The following EBF1 variants were observed in gnomAD, a reference collection of about 807,000 sequenced individuals.
EBF1 encodes the protein transcription factor COE1.
A neutral mutation model predicts 68.4 loss-of-function variants in EBF1; 10 were observed. The ratio of observed to expected loss-of-function variants is 0.15; its 90% CI spans 0.09 to 0.25. The LOEUF (loss-of-function observed/expected upper bound fraction) is 0.25, where lower values mean the gene tolerates loss of function less well. Among genes scored for constraint, EBF1 ranks in the 10% least tolerant of loss-of-function variants. The pLI is 1.00. For synonymous variants in EBF1, 298 were observed against 299.8 expected, an observed-to-expected ratio of 0.99 and a Z score of 0.06; for missense variants, 509 against 794.4, an observed-to-expected ratio of 0.64 and a Z score of 4.32.
chr5:159,032,310 A>G (rs748208079), intron 6 of EBF1, among the ~76,000 whole-genome samples: 16 of 152,222 alleles, frequency 1.1e-4, no homozygotes, highest in Non-Finnish European at 2.1e-4. Context: ...TAATTTTTCC[A>G]GGTACAAGTG....
At chr5:159,059,019 C>T (rs1326370819) in intron 6 of EBF1, among the ~76,000 whole-genome samples, 1 of 152,208 alleles carries the variant, frequency 6.6e-6, no homozygotes, top group Non-Finnish European at 1.5e-5. Flanking sequence ...CATGTAGCCA[C>T]CATTTCAATC....
At chr5:158,794,574 C>T (rs559735801) in intron 9 of EBF1, among the ~76,000 whole-genome samples, 37 of 152,270 alleles carry the variant, frequency 2.4e-4, no homozygotes, top group Admixed American at 5.2e-4. Flanking sequence ...CAGACTAACC[C>T]ACCTCCTTCT....
chr5:158,784,271 C>T lies in EBF1; in HGVS notation c.910-6732G>A, dbSNP rs73816059. Among the ~76,000 whole-genome samples, 1,016 of 152,268 alleles carry T rather than the reference C, an allele frequency of 6.7e-3. 10 individuals are homozygous for T. Among genetic ancestry groups the T allele is most frequent in the African/African-American group, 0.022 (930 of 41,562 alleles). ...AAGAAACCAACTGGAAGTGGCCAGT[C>T]GGCCTGACTAATGACCATCATTATA... On this transcript the variant is annotated intron_variant, in intron 9 of 15. Coordinates refer to ENST00000313708, the MANE Select transcript of EBF1 (RefSeq NM_024007.5).
chr5:158,710,095 C>T (rs140314758), intron 14 of EBF1, among the ~76,000 whole-genome samples: 17 of 152,246 alleles, frequency 1.1e-4, no homozygotes, highest in Non-Finnish European at 2.2e-4. Context: ...AACATGAGTG[C>T]TTTATGAATA....
chr5:159,071,203 G>A (rs1174479199), intron 6 of EBF1, among the ~76,000 whole-genome samples: 1 of 152,144 alleles, frequency 6.6e-6, no homozygotes, highest in Non-Finnish European at 1.5e-5. Context: ...TGGCATCACT[G>A]CATGAAAAGA....
chr5:159,070,142 C>T (rs1272886803), intron 6 of EBF1, among the ~76,000 whole-genome samples: 1 of 152,146 alleles, frequency 6.6e-6, no homozygotes, highest in Non-Finnish European at 1.5e-5. Flanking sequence ...ACACATTTGA[C>T]TTTTCCCATG....
chr5:158,775,974 A>G (rs1056707834), intron 10 of EBF1, among the ~76,000 whole-genome samples: 1 of 152,194 alleles, frequency 6.6e-6, no homozygotes, highest in Non-Finnish European at 1.5e-5. Context: ...ACTTCTATAA[A>G]GCATCATAGC....
At position 158,974,267 on chromosome 5, in the gene EBF1, G is replaced by A. The variant is rs368801047; in HGVS notation, c.554+99129C>T. 3.3e-5 allele frequency among the ~76,000 whole-genome samples: 5 copies of A among 152,254 alleles called. No individual in the cohort carries two copies. In the East Asian group the frequency reaches 9.6e-4, roughly 29 times the overall value. On this transcript the variant is annotated intron_variant, in intron 6 of 15. Transcript: ENST00000313708. ...AGCCTTCTCTTTTTAAAAACTTCAG[G>A]CTTGAGGCAGAAAGTCTGGAAAATT...
intron 6 of EBF1, among the ~76,000 whole-genome samples, chr5:158,930,472 TC>T (rs1225457933): frequency 6.6e-6 from 1 of 152,118 alleles, no homozygotes; most frequent in Non-Finnish European, 1.5e-5. Flanking sequence ...CTGCCCACCT[TC>T]CCATGCCCTG....
chr5:158,962,206 C>T (rs1218412281), intron 6 of EBF1, among the ~76,000 whole-genome samples: 1 of 152,068 alleles, frequency 6.6e-6, no homozygotes. Flanking sequence ...TAAATGTAGC[C>T]CCCTTCTCAG....
At chr5:159,014,899 G>T (rs560441430) in intron 6 of EBF1, among the ~76,000 whole-genome samples, 2 of 152,312 alleles carry the variant, frequency 1.3e-5, no homozygotes, top group African/African-American at 4.8e-5. Context: ...CTCTAGGGAT[G>T]GCAGAAGAAT....
intron 8 of EBF1, among the ~76,000 whole-genome samples, chr5:158,807,563 C>T (rs1402019903): frequency 1.3e-5 from 2 of 152,136 alleles, no homozygotes; most frequent in African/African-American, 4.8e-5. Context: ...AGGCTGGATT[C>T]AGTTCATGAT....
chr5:159,014,414 T>G (rs963692323), intron 6 of EBF1, among the ~76,000 whole-genome samples: 2 of 152,222 alleles, frequency 1.3e-5, no homozygotes, highest in Non-Finnish European at 2.9e-5. Context: ...TATAGGACAT[T>G]ATGCTAAATG....
At chr5:158,921,028 G>A (rs1339481409) in intron 6 of EBF1, among the ~76,000 whole-genome samples, 1 of 152,206 alleles carries the variant, frequency 6.6e-6, no homozygotes, top group Non-Finnish European at 1.5e-5. Flanking sequence ...AAATAGTACA[G>A]GATCATTTGC....
At chr5:158,810,149 T>C (rs1384241824) in intron 8 of EBF1, among the ~76,000 whole-genome samples, 1 of 152,132 alleles carries the variant, frequency 6.6e-6, no homozygotes, top group African/African-American at 2.4e-5. Context: ...CCAGAAGATT[T>C]TGGCAAAGAA....
At chr5:159,033,264 C>G (rs978512184) in intron 6 of EBF1, among the ~76,000 whole-genome samples, 1 of 152,236 alleles carries the variant, frequency 6.6e-6, no homozygotes, top group Admixed American at 6.5e-5. Context: ...CTGAGCATAA[C>G]TCCAGAGCCC....
intron 11 of EBF1, among the ~76,000 whole-genome samples, chr5:158,718,701 T>G (rs1191657071): frequency 6.6e-6 from 1 of 152,150 alleles, no homozygotes; most frequent in African/African-American, 2.4e-5. Context: ...CCCAGGCCTG[T>G]TAGACATCAG....
At chr5:158,765,533 G>A (rs73297906) in intron 10 of EBF1, among the ~76,000 whole-genome samples, 1,707 of 152,260 alleles carry the variant, frequency 0.011, 35 homozygotes, top group African/African-American at 0.039. Flanking sequence ...CTGATCCCAG[G>A]TGGCTATGCC....
chr5:159,096,153 A>G (rs1006286546), intron 3 of EBF1, 190 bp downstream of exon 3: 9 of 621,884 alleles, frequency 1.4e-5, no homozygotes, highest in East Asian at 8.3e-5. Flanking sequence ...CGAGACCGAT[A>G]AGGCTCTTGG....
Sources: allele counts gnomAD v4.1 joint callset (sites outside exome capture counted in the v4.1 genomes callset), GRCh38; gene constraint gnomAD v4.1.1; transcripts MANE v1.5; gene names NCBI Gene and HGNC (gene_info 2026-07-23, HGNC 2026-07-21).